EMID1: variants seen among roughly 807,000 people sequenced by gnomAD.
EMID1 encodes the protein EMI domain containing 1.
EMID1 carries 40 observed loss-of-function variants against 60.6 expected under a neutral mutation model. The observed-to-expected ratio is 0.66, with a 90% CI of 0.51 to 0.86. The LOEUF (loss-of-function observed/expected upper bound fraction) is 0.86. EMID1 is among the 40% of genes least tolerant of loss of function. The probability of loss-of-function intolerance (pLI) is 0.00; values close to 1 mark genes in which losing one functional copy is unlikely to be tolerated. For missense variants in EMID1, 585 were observed against 597.1 expected (o/e 0.98, Z 0.21); for synonymous variants, 242 against 231.0 (o/e 1.05, Z -0.43).
At chr22:29,215,281 G>A (rs1166746879) in intron 2 of EMID1, 2 of 985,122 alleles carry the variant, frequency 2.0e-6, no homozygotes, top group East Asian at 1.1e-4. Context: ...GAGTATTCAC[G>A]CTGGGCTCAG....
rs748587620 is a variant in EMID1, at chr22:29,231,524, G to A, written c.587-69G>A. 9 of 1,492,496 alleles carry A rather than the reference G, an allele frequency of 6.0e-6. No individual in the cohort carries two copies. In the South Asian group the frequency reaches 9.7e-5, roughly 16 times the overall value. The allele number at this position is 1,492,496 out of a possible 1,614,324, so 92.5% of individuals were successfully genotyped here. On this transcript the variant is annotated intron_variant, in intron 6 of 14. Coordinates refer to ENST00000334018, the MANE Select transcript of EMID1 (RefSeq NM_133455.4). Reference sequence around the variant, plus strand: ...CCCCGAAATGGTAGATGCTGGTTGGGGGGCTGGGGCCAGGGTGGGGGTCAA... The same window carrying A: ...CCCCGAAATGGTAGATGCTGGTTGGAGGGCTGGGGCCAGGGTGGGGGTCAA...
In EMID1 at chr22:29,231,085, C is replaced by T. The variant is rs1201558424; in HGVS notation, c.531C>T (p.Ala177=). The T allele has an allele frequency of 6.2e-7, 1 of 1,613,808 alleles. No individual in the cohort carries two copies. The highest frequency in any genetic ancestry group is 8.5e-7 in the Non-Finnish European group (1 of 1,179,924). ...PPTPATPEDP[A]PLWGPPPAQG... ...CACCAGCTACCCCTGAGGACCCTGC[C>T]CCGCTCTGGGGTCCCCCTCCTGCCC... The change falls in exon 6 of 15, where the codon GCC becomes GCT. Residue 177 remains alanine (A), a synonymous_variant. Transcript: ENST00000334018.
At chr22:29,230,394 G>A (rs1362173007) in intron 5 of EMID1, among the ~76,000 whole-genome samples, 1 of 152,012 alleles carries the variant, frequency 6.6e-6, no homozygotes, top group African/African-American at 2.4e-5. Flanking sequence ...ACCCTGTGGT[G>A]CTTTAAGAAA....
At chr22:29,217,934 C>T (rs919356138) in intron 3 of EMID1, among the ~76,000 whole-genome samples, 1 of 152,232 alleles carries the variant, frequency 6.6e-6, no homozygotes, top group Non-Finnish European at 1.5e-5. Flanking sequence ...GCTGCATCAC[C>T]AGGGCCAACA....
chr22:29,206,387 G>T (rs911387716), intron 1 of EMID1, among the ~76,000 whole-genome samples: 2 of 152,210 alleles, frequency 1.3e-5, no homozygotes, highest in South Asian at 2.1e-4. Context: ...GGGGGAAGGG[G>T]CGCAACGAGG....
intron 12 of EMID1, among the ~76,000 whole-genome samples, 170 bp downstream of exon 12, chr22:29,234,519 T>A (rs2040873260): frequency 6.6e-6 from 1 of 152,214 alleles, no homozygotes; most frequent in Admixed American, 6.5e-5. Context: ...TTAGGCTGCC[T>A]CTGTCTCTCT....
At chr22:29,231,736 T>C in intron 7 of EMID1, 54 bp downstream of exon 7, 1 of 1,413,144 alleles carries the variant, frequency 7.1e-7, no homozygotes, top group Non-Finnish European at 9.3e-7. Flanking sequence ...CTCCACCAGG[T>C]GGGCCCTTCC....
At chr22:29,241,112 G>C (rs1290332504) in intron 12 of EMID1, among the ~76,000 whole-genome samples, 1 of 152,124 alleles carries the variant, frequency 6.6e-6, no homozygotes, top group African/African-American at 2.4e-5. Flanking sequence ...GTCTGACTGG[G>C]TCCCCCTGGA....
At chr22:29,216,540 G>C (rs1284840433) in intron 3 of EMID1, 1 of 985,362 alleles carries the variant, frequency 1.0e-6, no homozygotes, top group East Asian at 1.1e-4. Flanking sequence ...GTGAACATCA[G>C]TCTCAGGATA....
chr22:29,236,739 T>C (rs1349809349), intron 12 of EMID1, among the ~76,000 whole-genome samples: 2 of 151,940 alleles, frequency 1.3e-5, no homozygotes, highest in Non-Finnish European at 2.9e-5. Flanking sequence ...ATAAATGAAG[T>C]GTTATTTATA....
At chr22:29,237,215 C>T (rs2040985775) in intron 12 of EMID1, among the ~76,000 whole-genome samples, 1 of 137,452 alleles carries the variant, frequency 7.3e-6, no homozygotes, top group Non-Finnish European at 1.5e-5. Flanking sequence ...GAGAGTCTTG[C>T]TCTGTCACCC....
chr22:29,255,400 G>C, intron 14 of EMID1: 1 of 1,380,348 alleles, frequency 7.2e-7, no homozygotes, highest in Non-Finnish European at 9.6e-7. Context: ...GCCTCTTCCA[G>C]GAAGGGCCTG....
At chr22:29,222,457 T>G (rs1306338155) in intron 3 of EMID1, among the ~76,000 whole-genome samples, 1 of 139,552 alleles carries the variant, frequency 7.2e-6, no homozygotes, top group Non-Finnish European at 1.5e-5. Context: ...CAGGCTGGAG[T>G]GCAGTGGTGC....
chr22:29,231,275 T>A, intron 6 of EMID1, 135 bp downstream of exon 6: 1 of 1,340,730 alleles, frequency 7.5e-7, no homozygotes, highest in South Asian at 1.5e-5. Context: ...CATTTCCCGT[T>A]TCTTAGACCC....
chr22:29,214,538 G>A (rs2040011221), intron 1 of EMID1, among the ~76,000 whole-genome samples: 1 of 152,222 alleles, frequency 6.6e-6, no homozygotes, highest in Non-Finnish European at 1.5e-5. Flanking sequence ...CCGAGGGGCA[G>A]ATGGAGAGGC....
chr22:29,256,801 A>T (rs2041724461), intron 14 of EMID1, among the ~76,000 whole-genome samples: 1 of 151,944 alleles, frequency 6.6e-6, no homozygotes, highest in Non-Finnish European at 1.5e-5. Context: ...CCAGGTGGGG[A>T]AGTGGGTCGG....
intron 12 of EMID1, among the ~76,000 whole-genome samples, chr22:29,242,195 T>A (rs914778738): frequency 6.6e-6 from 1 of 152,232 alleles, no homozygotes; most frequent in Admixed American, 6.5e-5. Flanking sequence ...TCCTCCCACC[T>A]TGGCCTCCCA....
chr22:29,258,258 T>C (rs544996194), intron 14 of EMID1, among the ~76,000 whole-genome samples: 7 of 152,172 alleles, frequency 4.6e-5, no homozygotes, highest in Admixed American at 2.0e-4. Context: ...CTACCCTTGG[T>C]TTTGAAGGAT....
At position 29,215,629 on chromosome 22, in the gene EMID1, A is replaced by AGG. The variant is rs1300858824; in HGVS notation, c.319_319+1dup. On this transcript the variant is annotated frameshift_variant and splice_region_variant, in exon 3 of 15. Coordinates refer to ENST00000334018, the MANE Select transcript of EMID1 (RefSeq NM_133455.4). LOFTEE classifies it high-confidence loss of function. ...GGCACTCAGGAGTGAGCTGCGAGGA[A>AGG]GGTAGGACTGCCCGGCCGGCTCCCG... The AGG allele has an allele frequency of 6.2e-7, 1 of 1,613,722 alleles. No homozygotes were observed. Among genetic ancestry groups the AGG allele is most frequent in the Admixed American group, 1.7e-5 (1 of 60,020 alleles).
Sources: gnomAD v4.1 joint callset for allele counts (sites outside exome capture counted in the v4.1 genomes callset) on GRCh38, gnomAD v4.1.1 for gene constraint, MANE v1.5 for transcripts, NCBI Gene and HGNC (gene_info 2026-07-23, HGNC 2026-07-21) for gene names.